The following TNFRSF19 variants were observed in gnomAD, a reference collection of about 807,000 sequenced individuals.
TNFRSF19 encodes tumor necrosis factor receptor superfamily member 19.
In TNFRSF19, 27 loss-of-function variants were observed where a neutral mutation model predicts 46.4. The observed-to-expected ratio is 0.58, with a 90% confidence interval of 0.43 to 0.80. The LOEUF is 0.80. Ranked by LOEUF, TNFRSF19 falls within the 30% of genes least tolerant of loss-of-function variation. The probability of loss-of-function intolerance (pLI) is 0.00; values close to 1 mark genes in which losing one functional copy is unlikely to be tolerated. For missense variants in TNFRSF19, 511 were observed against 530.8 expected (o/e 0.96, Z 0.37); for synonymous variants, 204 against 205.0 (o/e 1.00, Z 0.04).
At chr13:23,657,533 C>G (rs74554147) in intron 5 of TNFRSF19, among the ~76,000 whole-genome samples, 1 of 152,238 alleles carries the variant, frequency 6.6e-6, no homozygotes, top group African/African-American at 2.4e-5. Context: ...TGAGCTGTGT[C>G]TTTAAAACCA....
rs920627664 is a variant in TNFRSF19, at chr13:23,659,504, CTTTGTTTT to C, written c.610+303_610+310del. Among the ~76,000 whole-genome samples, 27 of 152,152 alleles carry C rather than the reference CTTTGTTTT, an allele frequency of 1.8e-4. No individual in the cohort carries two copies. The highest frequency in any genetic ancestry group is 3.9e-4 in the East Asian group (2 of 5,176). ...AATACATCTTGTTTATTATATGTTT[CTTTGTTTT>C]TTTGTTTTTTTGGAGACAGAGTCTG... On this transcript the variant is annotated intron_variant, in intron 6 of 9. Coordinates refer to ENST00000248484, the MANE Select transcript of TNFRSF19 (RefSeq NM_148957.4). The surrounding 1 kb of genome is among the most constrained non-coding windows in gnomAD (Gnocchi z 4.9).
chr13:23,582,258 G>T (rs978252622), intron 1 of TNFRSF19, among the ~76,000 whole-genome samples: 1 of 151,080 alleles, frequency 6.6e-6, no homozygotes, highest in South Asian at 2.1e-4. Flanking sequence ...AAAATTAGCC[G>T]GGCGTGGTGG....
intron 3 of TNFRSF19, chr13:23,594,135 C>T (rs1294374423): frequency 1.0e-5 from 4 of 401,064 alleles, no homozygotes; most frequent in Non-Finnish European, 2.0e-5. Flanking sequence ...TAGGTGCCTA[C>T]ACCACTGGGG....
rs1209900528 is a variant in TNFRSF19 at position 23,615,914 on chromosome 13, G to A, written c.228G>A (p.Arg76=). Residue 76 remains arginine (R), a synonymous_variant, in exon 4 of 10, where the codon CGG becomes CGA. Transcript: ENST00000248484. ...YGEDAQCVTC[R]LHRFKEDWGF... ...AGGATGCACAGTGTGTGACGTGCCG[G>A]CTGCACAGGTTCAAGGAGGACTGGG... 6 of 1,613,540 alleles carry A rather than the reference G, an allele frequency of 3.7e-6. No individual in the cohort carries two copies. Among genetic ancestry groups the A allele is most frequent in the Non-Finnish European group, 5.1e-6 (6 of 1,179,692 alleles).
intron 4 of TNFRSF19, among the ~76,000 whole-genome samples, chr13:23,623,982 T>C (rs933083410): frequency 5.3e-5 from 8 of 152,204 alleles, no homozygotes; most frequent in African/African-American, 9.6e-5. Flanking sequence ...ATTTTTTCTC[T>C]TGTTTCCTAT....
intron 3 of TNFRSF19, among the ~76,000 whole-genome samples, chr13:23,600,403 T>A (rs985088463): frequency 3.3e-5 from 5 of 152,104 alleles, no homozygotes; most frequent in Admixed American, 6.6e-5. Flanking sequence ...TAGCCTAGGT[T>A]TGGAAAAGTC....
chr13:23,580,250 A>G (rs1240175188), intron 1 of TNFRSF19, among the ~76,000 whole-genome samples: 1 of 152,220 alleles, frequency 6.6e-6, no homozygotes, highest in Non-Finnish European at 1.5e-5. Flanking sequence ...CACTATTGTA[A>G]GAAACCCATG....
At chr13:23,608,946 C>A (rs925607425) in intron 3 of TNFRSF19, among the ~76,000 whole-genome samples, 10 of 152,216 alleles carry the variant, frequency 6.6e-5, no homozygotes, top group Non-Finnish European at 1.2e-4. Flanking sequence ...CCATCTGTTT[C>A]CGGTCCTCCA....
rs9510804 is a variant in TNFRSF19 at position 23,673,665 on chromosome 13, G to A, written c.*285G>A. ...CTGCCACAAAAGTGACTTCAAAGAC[G>A]GATGGGTTGAGCTGGCAGCCTATGA... On this transcript the variant is annotated 3_prime_UTR_variant, in exon 10 of 10. Transcript: ENST00000248484. The A allele has an allele frequency of 2.8e-5, 22 of 784,488 alleles. No individual in the cohort carries two copies. Among genetic ancestry groups the A allele is most frequent in the Middle Eastern group, 4.4e-4 (1 of 2,292 alleles). 48.6% of individuals were successfully genotyped at this position (784,488 alleles called of 1,614,324 possible). A position where few individuals can be genotyped will look rare whatever the true frequency, so the allele number is the denominator to read the frequency against.
At chr13:23,643,363 T>G (rs991971812) in intron 5 of TNFRSF19, among the ~76,000 whole-genome samples, 1 of 152,252 alleles carries the variant, frequency 6.6e-6, no homozygotes, top group African/African-American at 2.4e-5. Context: ...TTTGGACCTT[T>G]CTGCCTATAA....
chr13:23,667,846 A>G, intron 7 of TNFRSF19, 134 bp from the exon 8 acceptor site: 1 of 669,964 alleles, frequency 1.5e-6, no homozygotes, highest in Non-Finnish European at 2.4e-6. Context: ...AAAAAAGAGA[A>G]CCTTGTATTC....
At chr13:23,624,640 A>G (rs1162656623) in intron 4 of TNFRSF19, among the ~76,000 whole-genome samples, 3 of 152,168 alleles carry the variant, frequency 2.0e-5, no homozygotes, top group Non-Finnish European at 2.9e-5. Flanking sequence ...TTTATGTTAT[A>G]TATATGAAAA....
intron 1 of TNFRSF19, among the ~76,000 whole-genome samples, chr13:23,577,555 GTGC>G (rs1878046492): frequency 6.6e-6 from 1 of 152,212 alleles, no homozygotes; most frequent in Non-Finnish European, 1.5e-5. Context: ...CAATGGGCAA[GTGC>G]TAAATTGCCA....
Position 23,659,121 on chromosome 13 carries a change from G to A in TNFRSF19, c.517G>A (p.Val173Ile), listed in dbSNP as rs748111366. The A allele has an allele frequency of 6.8e-6, 11 of 1,614,022 alleles. No individual in the cohort carries two copies. Among genetic ancestry groups the A allele is most frequent in the Admixed American group, 1.7e-5 (1 of 60,030 alleles). The change falls in exon 6 of 10, where the codon GTT (valine) becomes ATT (isoleucine). Residue 173 changes from valine (V) to isoleucine (I), a missense_variant. Physicochemically the swap from Val to Ile is conservative, Grantham distance 29. This residue lies in a region of TNFRSF19 where 376 missense variants were observed against 372.7 expected (regional missense o/e 1.01). Coordinates refer to ENST00000248484, the MANE Select transcript of TNFRSF19 (RefSeq NM_148957.4). This position sits in a 1 kb window ranked among gnomAD's most constrained non-coding sequence, Gnocchi z 4.9. The part of the protein sequence containing the change: ...SSPRDTALAA[V>I]ICSALATVLL... ...CCCACGGGACACGGCGCTGGCTGCC[G>A]TTATCTGCAGCGCTCTGGCCACCGT...
chr13:23,663,164 T>G (rs984386146), intron 7 of TNFRSF19, among the ~76,000 whole-genome samples: 3 of 152,172 alleles, frequency 2.0e-5, no homozygotes, highest in African/African-American at 7.2e-5. Flanking sequence ...TGTCATAGAT[T>G]GCTCTTATTA....
At chr13:23,582,885 A>G (rs1303453217) in intron 1 of TNFRSF19, among the ~76,000 whole-genome samples, 1 of 152,198 alleles carries the variant, frequency 6.6e-6, no homozygotes, top group Non-Finnish European at 1.5e-5. Flanking sequence ...CCACATTATT[A>G]CAGGTATCAA....
intron 1 of TNFRSF19, among the ~76,000 whole-genome samples, chr13:23,574,130 A>C (rs1008582259): frequency 6.6e-6 from 1 of 150,818 alleles, no homozygotes; most frequent in African/African-American, 2.4e-5. Flanking sequence ...GTTACTAATA[A>C]AATTTTATAC....
chr13:23,574,046 A>G (rs948326582), intron 1 of TNFRSF19, among the ~76,000 whole-genome samples: 3 of 129,764 alleles, frequency 2.3e-5, no homozygotes, highest in Non-Finnish European at 4.7e-5. Flanking sequence ...TGGGTGACAG[A>G]GTGAGACTCT....
intron 3 of TNFRSF19, among the ~76,000 whole-genome samples, chr13:23,615,410 C>T (rs763466014): frequency 1.3e-4 from 20 of 152,198 alleles, no homozygotes; most frequent in Non-Finnish European, 2.8e-4. Context: ...GATTTCTAGG[C>T]TTGTCCGCTA....
Sources: gnomAD v4.1 joint callset for allele counts (sites outside exome capture counted in the v4.1 genomes callset) on GRCh38, gnomAD v4.1.1 for gene constraint, gnomAD v4.1.1 regional missense constraint, Gnocchi (gnomAD v3.1) non-coding constraint, MANE v1.5 for transcripts, NCBI Gene and HGNC (gene_info 2026-07-23, HGNC 2026-07-21) for gene names.